Variants in COLEC12 observed in about 807,000 individuals in gnomAD.
COLEC12 encodes the protein collectin-12.
In COLEC12, 33 loss-of-function variants were observed where a neutral mutation model predicts 71.1. The observed-to-expected ratio is 0.46, with a 90% CI of 0.35 to 0.62. The LOEUF (loss-of-function observed/expected upper bound fraction) is 0.62. Ranked by LOEUF, COLEC12 falls within the 20% of genes least tolerant of loss-of-function variation. The pLI is 0.00. For synonymous variants in COLEC12, 350 were observed against 353.0 expected (o/e 0.99, Z 0.10); for missense variants, 765 against 916.1 (o/e 0.84, Z 2.13).
chr18:349,791 T>C (rs2143481651), intron 3 of COLEC12, among the ~76,000 whole-genome samples: 1 of 152,354 alleles, frequency 6.6e-6, no homozygotes, highest in Middle Eastern at 3.4e-3. Context: ...AGCTTTAAAA[T>C]TTGACTGCCC....
intron 2 of COLEC12, among the ~76,000 whole-genome samples, chr18:416,793 T>C (rs1915994230): frequency 1.3e-5 from 2 of 149,298 alleles, no homozygotes; most frequent in Non-Finnish European, 1.5e-5. Flanking sequence ...AATAATTAAA[T>C]TTAGAAGACC....
At chr18:373,400 C>G (rs1225285972) in intron 2 of COLEC12, among the ~76,000 whole-genome samples, 1 of 152,140 alleles carries the variant, frequency 6.6e-6, no homozygotes. Context: ...GAAAAAGGGC[C>G]ATGTGGACAC....
rs1917414273 is a variant in COLEC12 at position 481,451 on chromosome 18, T to C, written c.8-694A>G. ...CGGGCGCAGTGGCTCATGGCTGTAA[T>C]CCCAGGACTTTGGGAGGCCAAGGTG... On this transcript the variant is annotated intron_variant, in intron 1 of 9. Coordinates refer to ENST00000400256, the MANE Select transcript of COLEC12 (RefSeq NM_130386.3). Among the ~76,000 whole-genome samples the C allele has an allele frequency of 2.6e-5, 4 of 152,312 alleles. No homozygotes were observed. The South Asian group carries it at 8.3e-4, about 32-fold the overall frequency.
intron 2 of COLEC12, among the ~76,000 whole-genome samples, chr18:457,083 C>T (rs1598370543): frequency 6.6e-6 from 1 of 152,298 alleles, no homozygotes; most frequent in East Asian, 1.9e-4. Context: ...ATCAGTGCAG[C>T]CAGGTAACTG....
rs779966749 is a variant in COLEC12 at position 346,887 on chromosome 18, C to G, written c.735G>C (p.Gln245His). ...CCTTCTTGGCTTGAAGAAAAACCTG[C>G]TGCAGATTTTGAAAGTCGTTCTTGA... The part of the protein sequence containing the change: ...QRIKNDFQNL[Q>H]QVFLQAKKDT... The change falls in exon 5 of 10, where the codon CAG (glutamine) becomes CAC (histidine). Residue 245 changes from glutamine to histidine, a missense_variant. Transcript: ENST00000400256. The surrounding 1 kb of genome is among the most constrained non-coding windows in gnomAD (Gnocchi z 4.0). 1 of 1,614,214 alleles carries G rather than the reference C, an allele frequency of 6.2e-7. No homozygotes were observed. Among genetic ancestry groups the G allele is most frequent in the Non-Finnish European group, 8.5e-7 (1 of 1,180,018 alleles).
intron 8 of COLEC12, among the ~76,000 whole-genome samples, chr18:323,961 T>C (rs1913776011): frequency 6.6e-6 from 1 of 152,154 alleles, no homozygotes; most frequent in South Asian, 2.1e-4. Context: ...CTTTCTCCAT[T>C]TGTTTTTCCA....
At chr18:441,768 G>A (rs775283132) in intron 2 of COLEC12, among the ~76,000 whole-genome samples, 14 of 152,126 alleles carry the variant, frequency 9.2e-5, no homozygotes, top group African/African-American at 2.2e-4. Context: ...AGGCCAAGAC[G>A]GGCAGATCGC....
intron 2 of COLEC12, among the ~76,000 whole-genome samples, chr18:371,505 G>A (rs1914998948): frequency 6.6e-6 from 1 of 151,952 alleles, no homozygotes; most frequent in Non-Finnish European, 1.5e-5. Flanking sequence ...GAGGGCCCTG[G>A]GGTGCAGGGA....
chr18:419,521 T>C (rs1916055838), intron 2 of COLEC12, among the ~76,000 whole-genome samples: 1 of 152,192 alleles, frequency 6.6e-6, no homozygotes, highest in African/African-American at 2.4e-5. Flanking sequence ...ATATTTTAAA[T>C]GATACAGAGT....
chr18:495,742 G>A (rs993941294), intron 1 of COLEC12, among the ~76,000 whole-genome samples: 1 of 152,220 alleles, frequency 6.6e-6, no homozygotes, highest in South Asian at 2.1e-4. Flanking sequence ...TCACAAAGAT[G>A]TAGGACTTGA....
intron 8 of COLEC12, among the ~76,000 whole-genome samples, chr18:325,595 A>G (rs964745102): frequency 9.8e-5 from 13 of 133,258 alleles, no homozygotes; most frequent in African/African-American, 3.8e-4. Context: ...GCTTACACCT[A>G]TACTCATTAC....
At chr18:433,498 G>A (rs1916344915) in intron 2 of COLEC12, among the ~76,000 whole-genome samples, 1 of 152,040 alleles carries the variant, frequency 6.6e-6, no homozygotes, top group South Asian at 2.1e-4. Flanking sequence ...GACTCCTGTG[G>A]CAACTAGACC....
At chr18:380,609 T>TCA (rs1229850339) in intron 2 of COLEC12, among the ~76,000 whole-genome samples, 1 of 151,908 alleles carries the variant, frequency 6.6e-6, no homozygotes, top group African/African-American at 2.4e-5. Context: ...ATACACACAC[T>TCA]CACACACACA....
intron 2 of COLEC12, among the ~76,000 whole-genome samples, chr18:393,149 T>C (rs1915498021): frequency 6.6e-6 from 1 of 152,200 alleles, no homozygotes; most frequent in Non-Finnish European, 1.5e-5. Flanking sequence ...TTTTACTGAA[T>C]TACACTTTGG....
chr18:361,756 T>C (rs1183081340), intron 2 of COLEC12, among the ~76,000 whole-genome samples: 3 of 152,198 alleles, frequency 2.0e-5, no homozygotes, highest in South Asian at 2.1e-4. Context: ...TGGTGGCAAC[T>C]GTGAAGCACA....
intron 1 of COLEC12, among the ~76,000 whole-genome samples, chr18:481,535 T>A (rs1249759173): frequency 1.3e-5 from 2 of 152,228 alleles, no homozygotes; most frequent in Admixed American, 1.3e-4. Flanking sequence ...TGAAACCCCA[T>A]CTCTACTAAA....
intron 2 of COLEC12, among the ~76,000 whole-genome samples, chr18:451,878 G>A (rs1244185909): frequency 6.6e-6 from 1 of 152,176 alleles, no homozygotes; most frequent in African/African-American, 2.4e-5. Context: ...GGAAATCAAG[G>A]TGCCTACAGA....
At chr18:382,622 C>T (rs1313452758) in intron 2 of COLEC12, among the ~76,000 whole-genome samples, 1 of 152,076 alleles carries the variant, frequency 6.6e-6, no homozygotes, top group Non-Finnish European at 1.5e-5. Context: ...CCCCCCGAGC[C>T]CTGGTTTCTT....
intron 2 of COLEC12, among the ~76,000 whole-genome samples, chr18:476,472 T>C (rs1917306411): frequency 6.6e-6 from 1 of 152,192 alleles, no homozygotes; most frequent in Non-Finnish European, 1.5e-5. Context: ...CATGTATCTC[T>C]TGCTTCTCCA....
Sources: gnomAD v4.1 joint callset for allele counts (sites outside exome capture counted in the v4.1 genomes callset) on GRCh38, gnomAD v4.1.1 for gene constraint, Gnocchi (gnomAD v3.1) non-coding constraint, MANE v1.5 for transcripts, NCBI Gene and HGNC (gene_info 2026-07-23, HGNC 2026-07-21) for gene names.